EFCAB6: variants seen among roughly 807,000 people sequenced by gnomAD.
EFCAB6 encodes EF-hand calcium binding domain 6, also known as EF-hand calcium-binding domain-containing protein 6.
In EFCAB6, 156 loss-of-function variants were observed where a neutral mutation model predicts 169.8. That is an observed-to-expected ratio of 0.92 (90% CI 0.81 to 1.05). EFCAB6 has a LOEUF of 1.05. EFCAB6 is among the 50% of genes least tolerant of loss of function. The probability of loss-of-function intolerance (pLI) is 0.00; values close to 1 mark genes in which losing one functional copy is unlikely to be tolerated. For missense variants in EFCAB6, 1,800 were observed against 1,829.1 expected (o/e 0.98, Z 0.29); for synonymous variants, 698 against 676.4 (o/e 1.03, Z -0.50).
intron 2 of EFCAB6, among the ~76,000 whole-genome samples, chr22:43,794,621 T>C (rs1033434936): frequency 3.9e-5 from 6 of 152,112 alleles, no homozygotes; most frequent in African/African-American, 1.2e-4. Context: ...ATAACTTGAG[T>C]TTGCAAAACG....
At chr22:43,533,981 G>A (rs545082263) in intron 30 of EFCAB6, among the ~76,000 whole-genome samples, 9 of 152,312 alleles carry the variant, frequency 5.9e-5, no homozygotes, top group Admixed American at 3.9e-4. Flanking sequence ...GGCTGGGTGC[G>A]GTGGCTCATG....
chr22:43,603,624 C>T (rs73887354), intron 22 of EFCAB6, among the ~76,000 whole-genome samples: 8 of 152,262 alleles, frequency 5.3e-5, no homozygotes, highest in African/African-American at 1.7e-4. Flanking sequence ...TTCCCACATA[C>T]ATTTCAGAAG....
intron 18 of EFCAB6, 146 bp downstream of exon 18, chr22:43,634,956 T>C: frequency 1.6e-6 from 1 of 633,184 alleles, no homozygotes; most frequent in South Asian, 1.9e-5. Flanking sequence ...GAAATAAAAA[T>C]GGTTGTTTGC....
intron 27 of EFCAB6, among the ~76,000 whole-genome samples, chr22:43,541,938 G>A (rs950866762): frequency 6.6e-6 from 1 of 152,260 alleles, no homozygotes; most frequent in Non-Finnish European, 1.5e-5. Flanking sequence ...GTTCCTAAGA[G>A]ACTCACATGG....
At chr22:43,766,437 G>A (rs1352527647) in intron 4 of EFCAB6, among the ~76,000 whole-genome samples, 2 of 152,198 alleles carry the variant, frequency 1.3e-5, no homozygotes, top group Admixed American at 6.5e-5. Flanking sequence ...AAACAAATGA[G>A]GTAAAATGTT....
At chr22:43,547,630 T>G (rs1424535504) in intron 27 of EFCAB6, among the ~76,000 whole-genome samples, 1 of 151,338 alleles carries the variant, frequency 6.6e-6, no homozygotes, top group Non-Finnish European at 1.5e-5. Context: ...CTGAGGGTGG[T>G]AGCATGCATC....
At chr22:43,602,179 G>C (rs2052571236) in intron 22 of EFCAB6, among the ~76,000 whole-genome samples, 2 of 152,222 alleles carry the variant, frequency 1.3e-5, no homozygotes, top group South Asian at 4.1e-4. Context: ...CCCAGCTCCT[G>C]CTGAGACCAT....
At chr22:43,803,971 C>T (rs2062823649) in intron 2 of EFCAB6, among the ~76,000 whole-genome samples, 1 of 152,130 alleles carries the variant, frequency 6.6e-6, no homozygotes, top group South Asian at 2.1e-4. Context: ...CTCAGCCTCC[C>T]AAGTATCTAG....
At chr22:43,683,881 G>T (rs1166385357) in intron 11 of EFCAB6, 26 bp from the exon 12 acceptor site, 4 of 1,532,448 alleles carry the variant, frequency 2.6e-6, no homozygotes, top group Non-Finnish European at 3.6e-6. Context: ...GAGAAAAGCA[G>T]GAATAAGATT....
intron 24 of EFCAB6, among the ~76,000 whole-genome samples, chr22:43,589,760 C>T (rs1316742852): frequency 6.6e-6 from 1 of 152,170 alleles, no homozygotes; most frequent in Non-Finnish European, 1.5e-5. Flanking sequence ...TGCACTCCAG[C>T]CTGGGTGATA....
intron 30 of EFCAB6, among the ~76,000 whole-genome samples, 159 bp from the exon 31 acceptor site, chr22:43,531,123 C>G (rs992085572): frequency 6.6e-6 from 1 of 152,194 alleles, no homozygotes. Context: ...TGCCAGAACT[C>G]GTCACAAAGA....
At chr22:43,616,681 G>A (rs1055060016) in intron 20 of EFCAB6, among the ~76,000 whole-genome samples, 2 of 151,968 alleles carry the variant, frequency 1.3e-5, no homozygotes, top group African/African-American at 2.4e-5. Context: ...AAATAAAAAT[G>A]ATCAAAATTC....
At chr22:43,768,330 G>A (rs997519254) in intron 4 of EFCAB6, among the ~76,000 whole-genome samples, 1 of 152,184 alleles carries the variant, frequency 6.6e-6, no homozygotes, top group East Asian at 1.9e-4. Flanking sequence ...TGAAGCTAAA[G>A]TAAATTCAGA....
At chr22:43,733,582 T>C (rs751767746) in intron 7 of EFCAB6, among the ~76,000 whole-genome samples, 4 of 152,306 alleles carry the variant, frequency 2.6e-5, no homozygotes, top group Admixed American at 6.5e-5. Context: ...GTAAAGGGCA[T>C]TCACGGAGTC....
chr22:43,798,255 G>C (rs2062582804), intron 2 of EFCAB6, among the ~76,000 whole-genome samples: 1 of 152,000 alleles, frequency 6.6e-6, no homozygotes, highest in African/African-American at 2.4e-5. Context: ...GTGGTGGCGG[G>C]TGCCCATAAT....
chr22:43,607,456 C>A (rs1156553461), intron 22 of EFCAB6, among the ~76,000 whole-genome samples: 1 of 152,170 alleles, frequency 6.6e-6, no homozygotes, highest in African/African-American at 2.4e-5. Flanking sequence ...AACTGAGAGG[C>A]AGGGCTATGC....
At chr22:43,802,674 A>G in intron 2 of EFCAB6, 6 of 502,386 alleles carry the variant, frequency 1.2e-5, no homozygotes, top group Admixed American at 2.1e-5. Flanking sequence ...AAAGGGAAAA[A>G]GGGAAAAGCT....
intron 22 of EFCAB6, among the ~76,000 whole-genome samples, chr22:43,603,901 GGCCTA>G (rs1382089294): frequency 6.6e-6 from 1 of 152,168 alleles, no homozygotes; most frequent in Admixed American, 6.5e-5. Flanking sequence ...TTGGAGATGG[GGCCTA>G]GTGGGAGGTG....
chr22:43,635,017 C>G (rs1029100506), intron 18 of EFCAB6, 85 bp downstream of exon 18: 1 of 1,052,062 alleles, frequency 9.5e-7, no homozygotes, highest in Non-Finnish European at 1.5e-6. Context: ...TACTTCAACC[C>G]GAGTGGCCTG....
Sources: allele counts gnomAD v4.1 joint callset (sites outside exome capture counted in the v4.1 genomes callset), GRCh38; gene constraint gnomAD v4.1.1; transcripts MANE v1.5; gene names NCBI Gene and HGNC (gene_info 2026-07-23, HGNC 2026-07-21).